Variants in SHROOM3 observed in about 807,000 individuals in gnomAD.
SHROOM3 encodes protein Shroom3.
A neutral mutation model predicts 138.6 loss-of-function variants in SHROOM3; 47 were observed. The observed-to-expected ratio is 0.34, with a 90% confidence interval of 0.27 to 0.43. The LOEUF (loss-of-function observed/expected upper bound fraction) is 0.43. SHROOM3 is among the 20% of genes least tolerant of loss of function. SHROOM3 has a pLI of 1.00. For synonymous variants in SHROOM3, 1,062 were observed against 1,063.3 expected (o/e 1.00, Z 0.02); for missense variants, 2,491 against 2,596.5 (o/e 0.96, Z 0.88).
intron 2 of SHROOM3, among the ~76,000 whole-genome samples, chr4:76,647,859 G>T (rs1042724129): frequency 6.6e-6 from 1 of 152,046 alleles, no homozygotes; most frequent in Non-Finnish European, 1.5e-5. Context: ...TCATGTACAA[G>T]CTGCACCCCA....
At chr4:76,441,193 C>T (rs1222080920) in intron 1 of SHROOM3, among the ~76,000 whole-genome samples, 2 of 145,832 alleles carry the variant, frequency 1.4e-5, no homozygotes, top group East Asian at 4.3e-4. Context: ...CTCCTGGGTT[C>T]ACGCCATTCT....
In SHROOM3 at chr4:76,740,457, G is replaced by A. The variant is rs1384762055; in HGVS notation, c.2284G>A (p.Gly762Ser). 4.3e-6 allele frequency: 7 copies of A among 1,611,448 alleles called. No individual in the cohort carries two copies. The highest frequency in any genetic ancestry group is 5.9e-6 in the Non-Finnish European group (7 of 1,178,538). Residue 762 changes from glycine (G) to serine (S), a missense_variant, in exon 5 of 11, where the codon GGC (glycine) becomes AGC (serine). Physicochemically the swap from Gly to Ser is moderately conservative, Grantham distance 56 (BLOSUM62 0). Around this residue, in one of 4 missense-constraint regions of SHROOM3, gnomAD observed 1,733 missense variants for 1,661.6 expected, o/e 1.04. Transcript: ENST00000296043. This position sits in a 1 kb window ranked among gnomAD's most constrained non-coding sequence, Gnocchi z 4.0. Reference protein sequence around the residue: ...HTSSLGRRGPGPGSASALQGF... With the variant: ...HTSSLGRRGPSPGSASALQGF... ...ATCCAGTCTGGGCCGGAGGGGGCCC[G>A]GCCCAGGCAGCGCCTCGGCTCTTCA...
At chr4:76,533,655 T>A (rs7434628) in intron 1 of SHROOM3, among the ~76,000 whole-genome samples, 34,305 of 152,128 alleles carry the variant, frequency 0.23, 4,230 homozygotes, top group East Asian at 0.51. Flanking sequence ...CAATACACTA[T>A]GAAAATGTTT....
At position 76,741,493 on chromosome 4, in the gene SHROOM3, A is replaced by G. The variant is rs747907496; in HGVS notation, c.3320A>G (p.Gln1107Arg). 7.7e-6 allele frequency: 12 copies of G among 1,556,808 alleles called. No homozygotes were observed. The Admixed American group carries it at 2.1e-4, about 27-fold the overall frequency. Residue 1107 changes from glutamine (Q) to arginine (R), a missense_variant, in exon 5 of 11, where the codon CAG (glutamine) becomes CGG (arginine). Around this residue, in one of 4 missense-constraint regions of SHROOM3, gnomAD observed 1,733 missense variants for 1,661.6 expected, o/e 1.04. Transcript: ENST00000296043. The surrounding 1 kb of genome is among the most constrained non-coding windows in gnomAD (Gnocchi z 6.2). Reference sequence around the variant, plus strand: ...ACCTCCGCCGCCGGCTGCAGCCTCCAGGAGCCCGGGCCACTGCGTGAGCGC... The same window carrying G: ...ACCTCCGCCGCCGGCTGCAGCCTCCGGGAGCCCGGGCCACTGCGTGAGCGC... ...RPTSAAGCSL[Q>R]EPGPLRERAQ...
At chr4:76,770,184 G>T (rs551318852) in intron 9 of SHROOM3, among the ~76,000 whole-genome samples, 2 of 151,858 alleles carry the variant, frequency 1.3e-5, no homozygotes, top group African/African-American at 4.8e-5. Context: ...TTAGCCAGGC[G>T]TGGTGGTGGG....
chr4:76,690,967 A>G (rs1029437504), intron 2 of SHROOM3, among the ~76,000 whole-genome samples: 4 of 152,208 alleles, frequency 2.6e-5, no homozygotes, highest in Non-Finnish European at 5.9e-5. Context: ...CACATTGCCC[A>G]TGAGTTGGAA....
At position 76,741,389 on chromosome 4, in the gene SHROOM3, C is replaced by T. The variant is rs1197179544; in HGVS notation, c.3216C>T (p.Ser1072=). The T allele has an allele frequency of 6.2e-7, 1 of 1,601,814 alleles. No homozygotes were observed. Among genetic ancestry groups the T allele is most frequent in the Non-Finnish European group, 8.5e-7 (1 of 1,175,108 alleles). Residue 1072 remains serine, a synonymous_variant, in exon 5 of 11, where the codon AGC becomes AGT. Coordinates refer to ENST00000296043, the MANE Select transcript of SHROOM3 (RefSeq NM_020859.4). This position sits in a 1 kb window ranked among gnomAD's most constrained non-coding sequence, Gnocchi z 6.2. ...ERDGKACSTL[S]LSGPELKQFQ... ...ATGGCAAGGCCTGCTCCACGCTCAG[C>T]CTGTCGGGGCCCGAGCTGAAGCAGT...
chr4:76,725,088 G>GC (rs1720664563), intron 3 of SHROOM3, among the ~76,000 whole-genome samples: 1 of 150,122 alleles, frequency 6.7e-6, no homozygotes, highest in East Asian at 2.0e-4. Flanking sequence ...GTTGTTTTTT[G>GC]TTTTTTTTTC....
intron 5 of SHROOM3, among the ~76,000 whole-genome samples, chr4:76,743,130 G>A (rs1721315888): frequency 6.6e-6 from 1 of 152,202 alleles, no homozygotes; most frequent in South Asian, 2.1e-4. Context: ...CTCCTGAAGG[G>A]AAATGGGATT....
chr4:76,474,987 A>G (rs182809585), intron 1 of SHROOM3, among the ~76,000 whole-genome samples: 1 of 152,176 alleles, frequency 6.6e-6, no homozygotes, highest in East Asian at 1.9e-4. Flanking sequence ...TGGTTCAAGA[A>G]ATTTAGTCTA....
intron 2 of SHROOM3, among the ~76,000 whole-genome samples, chr4:76,602,369 C>A (rs1323580745): frequency 1.3e-5 from 2 of 152,100 alleles, no homozygotes; most frequent in Non-Finnish European, 2.9e-5. Flanking sequence ...GTATTTATAT[C>A]TTACAACATA....
intron 10 of SHROOM3, among the ~76,000 whole-genome samples, chr4:76,773,391 A>AG (rs1560625204): frequency 6.7e-6 from 1 of 149,400 alleles, no homozygotes; most frequent in African/African-American, 2.4e-5. Flanking sequence ...AAAAAAAAAA[A>AG]GAGCTATGGG....
intron 1 of SHROOM3, among the ~76,000 whole-genome samples, chr4:76,522,164 T>A (rs66963073): frequency 1.0e-3 from 151 of 147,984 alleles, no homozygotes; most frequent in African/African-American, 3.5e-3. Flanking sequence ...TTTTTTTTTT[T>A]AAATGTCATT....
intron 2 of SHROOM3, among the ~76,000 whole-genome samples, chr4:76,638,685 C>A (rs1175447285): frequency 6.6e-6 from 1 of 152,164 alleles, no homozygotes; most frequent in Non-Finnish European, 1.5e-5. Context: ...GAAGACCATT[C>A]CTTTTTATTT....
At chr4:76,563,435 T>G (rs1200330903) in intron 2 of SHROOM3, among the ~76,000 whole-genome samples, 1 of 152,234 alleles carries the variant, frequency 6.6e-6, no homozygotes, top group East Asian at 1.9e-4. Context: ...GAAAGAGTTC[T>G]AACTTTGAAC....
chr4:76,694,849 C>T (rs1306828179), intron 2 of SHROOM3, among the ~76,000 whole-genome samples: 1 of 152,198 alleles, frequency 6.6e-6, no homozygotes, highest in African/African-American at 2.4e-5. Context: ...TTATCTTCCT[C>T]ACACTCCTAT....
At chr4:76,437,199 C>T (rs529631608) in intron 1 of SHROOM3, among the ~76,000 whole-genome samples, 39 of 152,240 alleles carry the variant, frequency 2.6e-4, no homozygotes, top group African/African-American at 9.1e-4. Flanking sequence ...TGATAAGCCA[C>T]GAGTGCACGG....
chr4:76,566,144 A>G (rs1294774615), intron 2 of SHROOM3, among the ~76,000 whole-genome samples: 2 of 151,966 alleles, frequency 1.3e-5, no homozygotes, highest in Non-Finnish European at 2.9e-5. Flanking sequence ...AGAAAAAACA[A>G]TGGATGGTTC....
rs188684660 is a variant in SHROOM3 at position 76,521,113 on chromosome 4, T to A, written c.169-34496T>A. ...GTTCTGTAACAGGAGTCTTTTTTTT[T>A]AAATCATTCATGACCTAATCTCTAA... is the stretch of plus-strand genomic sequence containing the variant. On this transcript the variant is annotated intron_variant, in intron 1 of 10. Coordinates refer to ENST00000296043, the MANE Select transcript of SHROOM3 (RefSeq NM_020859.4). 2.0e-3 allele frequency among the ~76,000 whole-genome samples: 304 copies of A among 152,338 alleles called. 1 individual carries two copies. Among genetic ancestry groups the A allele is most frequent in the African/African-American group, 6.9e-3 (285 of 41,582 alleles).
Sources: gnomAD v4.1 joint callset for allele counts (sites outside exome capture counted in the v4.1 genomes callset) on GRCh38, gnomAD v4.1.1 for gene constraint, gnomAD v4.1.1 regional missense constraint, Gnocchi (gnomAD v3.1) non-coding constraint, MANE v1.5 for transcripts, NCBI Gene and HGNC (gene_info 2026-07-23, HGNC 2026-07-21) for gene names.